FRMPD1: variants seen among roughly 807,000 people sequenced by gnomAD.
The protein encoded by FRMPD1 is FERM and PDZ domain containing 1, also known as FERM and PDZ domain-containing protein 1.
In FRMPD1, 76 loss-of-function variants were observed where a neutral mutation model predicts 117.8. The observed-to-expected ratio is 0.65, with a 90% CI of 0.54 to 0.78. The LOEUF is 0.78. FRMPD1 is among the 30% of genes least tolerant of loss of function. FRMPD1 has a pLI of 0.00. For synonymous variants in FRMPD1, 783 were observed against 770.4 expected (o/e 1.02, Z -0.27); for missense variants, 1,786 against 1,964.5 (o/e 0.91, Z 1.72).
At chr9:37,738,711 G>A (rs1249781279) in intron 14 of FRMPD1, among the ~76,000 whole-genome samples, 5 of 152,182 alleles carry the variant, frequency 3.3e-5, no homozygotes, top group South Asian at 2.1e-4. Context: ...GGGAGACAAC[G>A]CAGAGTGGCA....
chr9:37,700,342 T>C (rs765793836), intron 2 of FRMPD1, among the ~76,000 whole-genome samples: 9 of 152,252 alleles, frequency 5.9e-5, no homozygotes, highest in Non-Finnish European at 1.2e-4. Flanking sequence ...TGATTGTGAT[T>C]ACATGCTACA....
At chr9:37,624,055 C>A in the FRMPD1 span, among the ~76,000 whole-genome samples, 1 of 152,088 alleles carries the variant, frequency 6.6e-6, no homozygotes, top group Non-Finnish European at 1.5e-5. Context: ...GCACTACTTG[C>A]AGAGTTGTGG....
chr9:37,622,946 G>A, the FRMPD1 span, among the ~76,000 whole-genome samples: 1 of 151,990 alleles, frequency 6.6e-6, no homozygotes, highest in Non-Finnish European at 1.5e-5. Context: ...AGATGCTTAT[G>A]TATGTGGTAA....
At chr9:37,697,382 T>A (rs1822356022) in intron 2 of FRMPD1, among the ~76,000 whole-genome samples, 1 of 151,040 alleles carries the variant, frequency 6.6e-6, no homozygotes, top group Non-Finnish European at 1.5e-5. Flanking sequence ...GCTAACACGG[T>A]GAAATCCCGT....
chr9:37,696,442 A>T (rs1822327245), intron 2 of FRMPD1, among the ~76,000 whole-genome samples: 2 of 152,212 alleles, frequency 1.3e-5, no homozygotes, highest in South Asian at 4.1e-4. Flanking sequence ...AACAGAGTCC[A>T]TAGTATGTAA....
chr9:37,703,124 A>G (rs1424873665), intron 2 of FRMPD1, among the ~76,000 whole-genome samples: 1 of 152,206 alleles, frequency 6.6e-6, no homozygotes. Flanking sequence ...TGTGGTCATC[A>G]GTTCAAGGAA....
chr9:37,680,726 C>T (rs543321038), intron 1 of FRMPD1, among the ~76,000 whole-genome samples: 1 of 152,236 alleles, frequency 6.6e-6, no homozygotes, highest in East Asian at 1.9e-4. Flanking sequence ...CTCAGAGAAC[C>T]TAGAGAACCA....
chr9:37,730,968 C>A lies in FRMPD1; in HGVS notation c.739-16C>A, dbSNP rs772840706. ...GGCAGTTAGGAGATTAATAGTATCT[C>A]CCTTACCCATCGCAGGTGGTAGAAA... On this transcript the variant is annotated splice_polypyrimidine_tract_variant and intron_variant, in intron 8 of 15. Transcript: ENST00000377765. 1 of 1,613,508 alleles carries A rather than the reference C, an allele frequency of 6.2e-7. No homozygotes were observed. Among genetic ancestry groups the A allele is most frequent in the South Asian group, 1.1e-5 (1 of 91,058 alleles).
At chr9:37,723,695 A>G (rs1162143693) in intron 6 of FRMPD1, among the ~76,000 whole-genome samples, 1 of 152,112 alleles carries the variant, frequency 6.6e-6, no homozygotes, top group Non-Finnish European at 1.5e-5. Flanking sequence ...TGTCTCTACT[A>G]AAAATACAAA....
At chr9:37,647,348 A>C (rs1214360612), upstream of FRMPD1, among the ~76,000 whole-genome samples, 1 of 151,920 alleles carries the variant, frequency 6.6e-6, no homozygotes, top group African/African-American at 2.4e-5. Context: ...TCTCTACTAA[A>C]AATACAAAAA....
At chr9:37,650,814 G>A (rs938164471), upstream of FRMPD1, among the ~76,000 whole-genome samples, 21 of 149,916 alleles carry the variant, frequency 1.4e-4, no homozygotes, top group African/African-American at 5.1e-4. Context: ...GAGGCGGCGC[G>A]CGGGGCTCCT....
At chr9:37,682,381 T>C (rs1821759833) in intron 1 of FRMPD1, among the ~76,000 whole-genome samples, 5 of 152,132 alleles carry the variant, frequency 3.3e-5, no homozygotes. Flanking sequence ...GGAGATAGAG[T>C]TGGACATCCA....
intron 4 of FRMPD1, among the ~76,000 whole-genome samples, chr9:37,709,142 A>G (rs1225712638): frequency 6.6e-6 from 1 of 152,198 alleles, no homozygotes; most frequent in African/African-American, 2.4e-5. Flanking sequence ...TGCCATTGAT[A>G]GGAGTGAAGA....
chr9:37,708,099 T>C (rs941701755), intron 3 of FRMPD1, among the ~76,000 whole-genome samples: 2 of 152,230 alleles, frequency 1.3e-5, no homozygotes, highest in Non-Finnish European at 2.9e-5. Context: ...CAGAGTTTTT[T>C]AGAGATGAAT....
chr9:37,641,465 T>C, the FRMPD1 span, among the ~76,000 whole-genome samples: 4 of 152,184 alleles, frequency 2.6e-5, no homozygotes, highest in Non-Finnish European at 4.4e-5. Context: ...TGTGTTAAGA[T>C]GAGAAAACTG....
At chr9:37,719,223 C>G (rs1215336527) in intron 6 of FRMPD1, 47 bp downstream of exon 6, 2 of 1,152,072 alleles carry the variant, frequency 1.7e-6, no homozygotes, top group South Asian at 1.2e-5. Flanking sequence ...GGCGAGCTGC[C>G]TTCTGGCACA....
In FRMPD1 at chr9:37,733,500, A is replaced by G. The variant is rs748206120; in HGVS notation, c.1023A>G (p.Ile341Met). The G allele has an allele frequency of 3.1e-6, 5 of 1,613,780 alleles. No homozygotes were observed. Among genetic ancestry groups the G allele is most frequent in the Admixed American group, 1.7e-5 (1 of 60,002 alleles). The change falls in exon 11 of 16, where the codon ATA (isoleucine) becomes ATG (methionine). Residue 341 changes from isoleucine (I) to methionine (M), a missense_variant. Transcript: ENST00000377765. ...AAGACTGGGGAATAGAGAACTTTATATCTCCAACTTTACTCCGAAACATGA... is the reference window on the plus strand; with the variant it reads ...AAGACTGGGGAATAGAGAACTTTATGTCTCCAACTTTACTCCGAAACATGA... ...IEKDWGIENF[I>M]SPTLLRNMKG...
chr9:37,688,628 A>C (rs1822029953), intron 1 of FRMPD1, among the ~76,000 whole-genome samples: 1 of 152,144 alleles, frequency 6.6e-6, no homozygotes. Context: ...TAATAGTGAG[A>C]AATTGGAAAC....
rs1258432736 is a variant in FRMPD1 at position 37,744,427 on chromosome 9, A to G, written c.2395A>G (p.Ser799Gly). Residue 799 changes from serine to glycine, a missense_variant, in exon 16 of 16, where the codon AGC becomes GGC. By Grantham distance (56) the Ser-to-Gly change is moderately conservative. Coordinates refer to ENST00000377765, the MANE Select transcript of FRMPD1 (RefSeq NM_014907.3). Reference protein sequence around the residue: ...DVSTAEPSATSLQNKASTSSP... With the variant: ...DVSTAEPSATGLQNKASTSSP... ...TTCTACTGCAGAACCCAGTGCCACA[A>G]GCTTGCAGAATAAGGCCAGCACTTC... 4 of 1,612,324 alleles carry G rather than the reference A, an allele frequency of 2.5e-6. No homozygotes were observed. Among genetic ancestry groups the G allele is most frequent in the African/African-American group, 2.7e-5 (2 of 74,870 alleles).
Sources: gnomAD v4.1 joint callset for allele counts (sites outside exome capture counted in the v4.1 genomes callset) on GRCh38, gnomAD v4.1.1 for gene constraint, MANE v1.5 for transcripts, NCBI Gene and HGNC (gene_info 2026-07-23, HGNC 2026-07-21) for gene names.